DCDC1: variants seen among roughly 807,000 people sequenced by gnomAD.
The protein encoded by DCDC1 is doublecortin domain-containing protein 1.
In DCDC1, 200 loss-of-function variants were observed where a neutral mutation model predicts 178.3. That is an observed-to-expected ratio of 1.12 (90% CI 1.00 to 1.26). The LOEUF (loss-of-function observed/expected upper bound fraction) is 1.26. Ranked by LOEUF, DCDC1 falls within the 50% of genes most tolerant of loss-of-function variation. The pLI is 0.00. For missense variants in DCDC1, 1,983 were observed against 1,749.2 expected, an observed-to-expected ratio of 1.13 and a Z score of -2.38; for synonymous variants, 690 against 604.8, an observed-to-expected ratio of 1.14 and a Z score of -2.07.
At chr11:31,005,674 T>A (rs2135065651) in intron 20 of DCDC1, among the ~76,000 whole-genome samples, 1 of 152,282 alleles carries the variant, frequency 6.6e-6, no homozygotes, top group South Asian at 2.1e-4. Flanking sequence ...AGAACTGGTA[T>A]GGGATTCCAT....
At chr11:31,211,006 A>G (rs9919660) in intron 9 of DCDC1, among the ~76,000 whole-genome samples, 39,888 of 151,866 alleles carry the variant, frequency 0.26, 5,354 homozygotes, top group African/African-American at 0.32. Context: ...AATTCTGAAG[A>G]AGGCTATTTT....
At chr11:31,037,227 G>A (rs919615677) in intron 20 of DCDC1, among the ~76,000 whole-genome samples, 1 of 152,036 alleles carries the variant, frequency 6.6e-6, no homozygotes, top group Non-Finnish European at 1.5e-5. Flanking sequence ...TGCACATATG[G>A]CGCCATATTG....
chr11:31,024,650 G>T (rs1953104873), intron 20 of DCDC1, among the ~76,000 whole-genome samples: 1 of 151,816 alleles, frequency 6.6e-6, no homozygotes, highest in Non-Finnish European at 1.5e-5. Flanking sequence ...CTCCAACAGT[G>T]TGGCATGTTT....
At chr11:31,263,025 G>T (rs534456844) in intron 8 of DCDC1, 5 of 1,610,000 alleles carry the variant, frequency 3.1e-6, no homozygotes, top group Non-Finnish European at 4.2e-6. Flanking sequence ...TCATGAATCC[G>T]AATGCCTCTG....
rs112596268 is a variant in DCDC1 at position 31,113,703 on chromosome 11, G to A, written c.1486-3342C>T. ...CCAGTCTATCATTGATGGACATTTG[G>A]GCAGGGCATAACCCCATCGTCTGTA... On this transcript the variant is annotated intron_variant, in intron 11 of 38. Coordinates refer to ENST00000684477, the MANE Select transcript of DCDC1 (RefSeq NM_001387274.1). Among the ~76,000 whole-genome samples, 341 of 152,050 alleles carry A rather than the reference G, an allele frequency of 2.2e-3. 4 individuals are homozygous for A. The highest frequency in any genetic ancestry group is 7.8e-3 in the African/African-American group (322 of 41,498).
At chr11:31,327,861 G>A (rs1452790135) in intron 3 of DCDC1, among the ~76,000 whole-genome samples, 1 of 151,938 alleles carries the variant, frequency 6.6e-6, no homozygotes, top group Non-Finnish European at 1.5e-5. Context: ...CCGAGTAGCT[G>A]AGATTACAGG....
chr11:31,339,807 T>G (rs1297135660), intron 1 of DCDC1, among the ~76,000 whole-genome samples: 1 of 152,220 alleles, frequency 6.6e-6, no homozygotes, highest in Non-Finnish European at 1.5e-5. Flanking sequence ...ATGTTAATTC[T>G]TTCTATCTAA....
At chr11:30,978,809 C>A (rs1486842105) in intron 20 of DCDC1, among the ~76,000 whole-genome samples, 1 of 146,484 alleles carries the variant, frequency 6.8e-6, no homozygotes, top group South Asian at 2.2e-4. Flanking sequence ...CACACACACA[C>A]ACACACACAC....
At chr11:31,328,413 T>C in intron 2 of DCDC1, 127 bp from the exon 3 acceptor site, 1 of 901,536 alleles carries the variant, frequency 1.1e-6, no homozygotes, top group Non-Finnish European at 1.5e-6. Flanking sequence ...AATGATTAAA[T>C]GTGAAATTCC....
chr11:31,156,592 C>A (rs1965738813), intron 9 of DCDC1, among the ~76,000 whole-genome samples: 1 of 152,120 alleles, frequency 6.6e-6, no homozygotes, highest in Non-Finnish European at 1.5e-5. Flanking sequence ...AATGGGCTAT[C>A]TTGCCATCTT....
chr11:30,908,982 T>C lies in DCDC1; in HGVS notation c.3882A>G (p.Thr1294=). The change falls in exon 29 of 39, where the codon ACA becomes ACG. Residue 1294 remains threonine (T), a synonymous_variant. Coordinates refer to ENST00000684477, the MANE Select transcript of DCDC1 (RefSeq NM_001387274.1). ...TGTTTTCTTCTTTAATCACAGATGA[T>C]GTACAGACACCAGCATAATTTGCTG... is the stretch of plus-strand genomic sequence containing the variant. ...ITSANYAGVC[T]SSVIKEENID... is the part of the protein sequence containing the mutation. 6.2e-7 allele frequency: 1 copy of C among 1,608,782 alleles called. No individual in the cohort carries two copies. The highest frequency in any genetic ancestry group is 1.7e-4 in the Middle Eastern group (1 of 6,030).
intron 22 of DCDC1, among the ~76,000 whole-genome samples, chr11:30,927,783 G>T (rs1487779612): frequency 1.3e-5 from 2 of 152,108 alleles, no homozygotes. Context: ...AAATTGTCTA[G>T]AGTGAATTAT....
chr11:30,974,410 G>C (rs1016195915), intron 20 of DCDC1, among the ~76,000 whole-genome samples: 1 of 151,498 alleles, frequency 6.6e-6, no homozygotes, highest in Non-Finnish European at 1.5e-5. Context: ...CACACATAAA[G>C]GATAATAAGA....
At chr11:31,079,105 G>A (rs1291506314) in intron 17 of DCDC1, among the ~76,000 whole-genome samples, 1 of 152,122 alleles carries the variant, frequency 6.6e-6, no homozygotes, top group Non-Finnish European at 1.5e-5. Flanking sequence ...TCCTGAATGA[G>A]GGCTGGTCAC....
intron 38 of DCDC1, among the ~76,000 whole-genome samples, chr11:30,868,332 C>T (rs1290371672): frequency 1.4e-5 from 2 of 144,874 alleles, no homozygotes; most frequent in East Asian, 4.1e-4. Context: ...CTCACTGCAG[C>T]CTCCGCCTCC....
chr11:31,176,922 A>G (rs189971079), intron 9 of DCDC1, among the ~76,000 whole-genome samples: 1 of 152,314 alleles, frequency 6.6e-6, no homozygotes, highest in African/African-American at 2.4e-5. Context: ...ACTGGAAACA[A>G]AAGAACAATA....
chr11:31,162,950 T>G (rs1966443529), intron 9 of DCDC1, among the ~76,000 whole-genome samples: 1 of 152,186 alleles, frequency 6.6e-6, no homozygotes, highest in Non-Finnish European at 1.5e-5. Flanking sequence ...TGTATTACTT[T>G]TCAAACAAGC....
chr11:31,298,314 G>T (rs894952830), intron 6 of DCDC1, among the ~76,000 whole-genome samples: 4 of 152,100 alleles, frequency 2.6e-5, no homozygotes, highest in Non-Finnish European at 5.9e-5. Flanking sequence ...CTCTAAATAT[G>T]CTAGCCACAC....
chr11:30,940,558 G>A (rs2134384181), intron 21 of DCDC1, among the ~76,000 whole-genome samples: 2 of 152,290 alleles, frequency 1.3e-5, no homozygotes, highest in South Asian at 4.1e-4. Flanking sequence ...GGTTGTCTCA[G>A]TGATTGGCTT....
Sources: gnomAD v4.1 joint callset for allele counts (sites outside exome capture counted in the v4.1 genomes callset) on GRCh38, gnomAD v4.1.1 for gene constraint, MANE v1.5 for transcripts, NCBI Gene and HGNC (gene_info 2026-07-23, HGNC 2026-07-21) for gene names.